RALGPS1: variants seen among roughly 807,000 people sequenced by gnomAD.
The protein encoded by RALGPS1 is Ral GEF with PH domain and SH3 binding motif 1, also known as ras-specific guanine nucleotide-releasing factor RalGPS1.
RALGPS1 carries 19 observed loss-of-function variants against 78.8 expected under a neutral mutation model. That is an observed-to-expected ratio of 0.24 (90% CI 0.17 to 0.35). The LOEUF is 0.35. Ranked by LOEUF, RALGPS1 falls within the 10% of genes least tolerant of loss-of-function variation. The probability of loss-of-function intolerance (pLI) is 1.00; values close to 1 mark genes in which losing one functional copy is unlikely to be tolerated. For missense variants in RALGPS1, 454 were observed against 688.3 expected, an observed-to-expected ratio of 0.66 and a Z score of 3.81; for synonymous variants, 228 against 256.3, an observed-to-expected ratio of 0.89 and a Z score of 1.06.
At chr9:127,136,891 T>C (rs866218159) in intron 8 of RALGPS1, among the ~76,000 whole-genome samples, 141 of 152,246 alleles carry the variant, frequency 9.3e-4, no homozygotes, top group African/African-American at 3.3e-3. Flanking sequence ...TAGATTCTCA[T>C]CACCCCAGGC....
rs757329986 is a variant in RALGPS1 at position 127,123,116 on chromosome 9, G to A, written c.611-42953G>A. ...ACTGAGCCCCAGGCTGGCGGGCGGG[G>A]CAGCTCAGCCCAGAGCGCCTCTCCC... On this transcript the variant is annotated intron_variant, in intron 8 of 18. Coordinates refer to ENST00000259351, the MANE Select transcript of RALGPS1 (RefSeq NM_014636.3). 2.6e-5 allele frequency among the ~76,000 whole-genome samples: 4 copies of A among 152,230 alleles called. No individual in the cohort carries two copies. In the East Asian group the frequency reaches 7.7e-4, roughly 29 times the overall value.
At chr9:127,108,770 T>A in intron 8 of RALGPS1, 1 of 1,559,354 alleles carries the variant, frequency 6.4e-7, no homozygotes, top group Non-Finnish European at 8.7e-7. Context: ...GTGAATAGAA[T>A]CTATGAAAGC....
chr9:127,145,402 A>G (rs1248942527), intron 8 of RALGPS1, among the ~76,000 whole-genome samples: 2 of 152,166 alleles, frequency 1.3e-5, no homozygotes, highest in East Asian at 3.8e-4. Flanking sequence ...CTTTTCACCC[A>G]GGGTTCCTCT....
chr9:126,979,950 G>T (rs924015048), intron 4 of RALGPS1, among the ~76,000 whole-genome samples: 3 of 152,078 alleles, frequency 2.0e-5, no homozygotes, highest in Non-Finnish European at 4.4e-5. Context: ...AACCTAATCA[G>T]CCCTATTTTG....
intron 4 of RALGPS1, among the ~76,000 whole-genome samples, chr9:127,023,700 G>A (rs1292747205): frequency 1.3e-5 from 2 of 152,048 alleles, no homozygotes; most frequent in Non-Finnish European, 2.9e-5. Flanking sequence ...TTTCCCTAAG[G>A]CCCAGCTGGT....
At chr9:127,190,498 AT>A (rs971645110) in intron 11 of RALGPS1, among the ~76,000 whole-genome samples, 18 of 150,778 alleles carry the variant, frequency 1.2e-4, no homozygotes, top group African/African-American at 4.4e-4. Context: ...TAGGTTTTGT[AT>A]TTTTTTTTAG....
At chr9:127,185,418 TC>T (rs2060581256) in intron 11 of RALGPS1, among the ~76,000 whole-genome samples, 1 of 152,238 alleles carries the variant, frequency 6.6e-6, no homozygotes. Context: ...CTCTGTGTTC[TC>T]ACGTGCACCG....
chr9:127,172,494 C>T (rs1449078104), intron 10 of RALGPS1, among the ~76,000 whole-genome samples: 2 of 152,170 alleles, frequency 1.3e-5, no homozygotes, highest in East Asian at 1.9e-4. Context: ...TTGTTTATAT[C>T]TTTGACTACT....
intron 11 of RALGPS1, among the ~76,000 whole-genome samples, chr9:127,178,960 G>A (rs1311470891): frequency 6.6e-6 from 1 of 152,238 alleles, no homozygotes; most frequent in Non-Finnish European, 1.5e-5. Context: ...TTGAGGAAGG[G>A]CCCAGTCTAG....
intron 4 of RALGPS1, among the ~76,000 whole-genome samples, chr9:126,994,281 A>G (rs1279756359): frequency 5.8e-5 from 2 of 34,374 alleles, no homozygotes; most frequent in Non-Finnish European, 3.9e-4. Flanking sequence ...AAAGCTTTGA[A>G]AAAAAAATTA....
At chr9:127,045,888 G>C (rs936894225) in intron 5 of RALGPS1, among the ~76,000 whole-genome samples, 21 of 151,884 alleles carry the variant, frequency 1.4e-4, no homozygotes, top group African/African-American at 4.6e-4. Context: ...GCTAATCTTG[G>C]TTTCTAATAC....
intron 4 of RALGPS1, among the ~76,000 whole-genome samples, chr9:127,015,747 CAT>C (rs1352708774): frequency 6.6e-6 from 1 of 152,146 alleles, no homozygotes; most frequent in African/African-American, 2.4e-5. Context: ...ACATGGAAAA[CAT>C]GTGGGACACT....
chr9:126,965,813 A>G (rs774160302), intron 2 of RALGPS1, 31 bp from the exon 3 acceptor site: 5 of 1,544,406 alleles, frequency 3.2e-6, no homozygotes, highest in Admixed American at 1.7e-5. Context: ...CATATCATTC[A>G]GTTGGCACCA....
rs1197174884 is a variant in RALGPS1, at chr9:126,977,165, T to C, written c.166-530T>C. Among the ~76,000 whole-genome samples, 5 of 152,356 alleles carry C rather than the reference T, an allele frequency of 3.3e-5. No homozygotes were observed. In the East Asian group the frequency reaches 9.6e-4, roughly 29 times the overall value. On this transcript the variant is annotated intron_variant, in intron 3 of 18. Coordinates refer to ENST00000259351, the MANE Select transcript of RALGPS1 (RefSeq NM_014636.3). The stretch of plus-strand genomic sequence containing the variant: ...GTGGAATAAACAGTTTGTTGTCCCG[T>C]GCTGGTCTGTGGGTGCGTCTTGAAT...
At chr9:126,938,395 G>C (rs2036460089) in intron 1 of RALGPS1, among the ~76,000 whole-genome samples, 2 of 152,234 alleles carry the variant, frequency 1.3e-5, no homozygotes, top group Admixed American at 1.3e-4. Context: ...CATAGGCCCT[G>C]TCTGTCCCTA....
intron 11 of RALGPS1, among the ~76,000 whole-genome samples, chr9:127,180,846 T>A (rs767879562): frequency 3.0e-4 from 46 of 152,224 alleles, no homozygotes; most frequent in Non-Finnish European, 1.2e-4. Flanking sequence ...CCTGGAGCCA[T>A]CTTCACTCAC....
At chr9:127,201,934 G>C (rs533737804) in intron 14 of RALGPS1, among the ~76,000 whole-genome samples, 1 of 152,232 alleles carries the variant, frequency 6.6e-6, no homozygotes, top group Admixed American at 6.5e-5. Context: ...AGAGGCCGTG[G>C]AGCCAGAGCC....
At chr9:127,195,070 C>T in intron 11 of RALGPS1, 21 bp from the exon 12 acceptor site, 1 of 1,611,856 alleles carries the variant, frequency 6.2e-7, no homozygotes, top group Non-Finnish European at 8.5e-7. Flanking sequence ...CCCGTTGTTG[C>T]TCTCTCTGCT....
chr9:126,922,124 C>T (rs1034534400), intron 1 of RALGPS1, among the ~76,000 whole-genome samples: 7 of 152,186 alleles, frequency 4.6e-5, no homozygotes, highest in Non-Finnish European at 1.0e-4. Context: ...GCGTTTGTCT[C>T]AGGCCCATTT....
Sources: gnomAD v4.1 joint callset for allele counts (sites outside exome capture counted in the v4.1 genomes callset) on GRCh38, gnomAD v4.1.1 for gene constraint, MANE v1.5 for transcripts, NCBI Gene and HGNC (gene_info 2026-07-23, HGNC 2026-07-21) for gene names.